The following DDHD1 variants were observed in gnomAD, a reference collection of about 807,000 sequenced individuals.
The protein encoded by DDHD1 is DDHD domain containing 1.
Under a neutral mutation model 96.4 loss-of-function variants are expected in DDHD1, and 49 were observed. The ratio of observed to expected loss-of-function variants is 0.51; its 90% CI spans 0.40 to 0.64. The LOEUF is 0.64. Ranked by LOEUF, DDHD1 falls within the 30% of genes least tolerant of loss-of-function variation. DDHD1 has a pLI of 0.00. For missense variants in DDHD1, 1,106 were observed against 1,161.2 expected, an observed-to-expected ratio of 0.95 and a Z score of 0.69; for synonymous variants, 442 against 446.5, an observed-to-expected ratio of 0.99 and a Z score of 0.13.
chr14:53,087,870 A>AG (rs1566553455), intron 4 of DDHD1, among the ~76,000 whole-genome samples: 1 of 152,250 alleles, frequency 6.6e-6, no homozygotes, highest in African/African-American at 2.4e-5. Flanking sequence ...CAATGAATCC[A>AG]GGAGCTGGTT....
chr14:53,049,063 CTTTGAT>C (rs1208418474), intron 12 of DDHD1: 2 of 152,308 alleles, frequency 1.3e-5, no homozygotes, highest in Non-Finnish European at 2.9e-5. Flanking sequence ...TTTGGCTCCA[CTTTGAT>C]TTTATGTTCC....
chr14:53,118,966 T>C (rs10139446), intron 1 of DDHD1, among the ~76,000 whole-genome samples: 120,648 of 152,124 alleles, frequency 0.79, 48,660 homozygotes, highest in East Asian at 0.98. Context: ...GCGGATCTCT[T>C]GGCAGAAACT....
At chr14:53,051,425 C>A (rs1882554898) in intron 12 of DDHD1, among the ~76,000 whole-genome samples, 1 of 151,766 alleles carries the variant, frequency 6.6e-6, no homozygotes, top group Non-Finnish European at 1.5e-5. Context: ...TACCTACAAC[C>A]CTAAGTGGTA....
intron 4 of DDHD1, among the ~76,000 whole-genome samples, chr14:53,083,942 C>T (rs965414305): frequency 2.0e-5 from 3 of 152,086 alleles, no homozygotes; most frequent in Non-Finnish European, 4.4e-5. Flanking sequence ...TGGATTCATT[C>T]ATCCTGCTTC....
At chr14:53,109,625 C>T (rs1042780523) in intron 1 of DDHD1, among the ~76,000 whole-genome samples, 7 of 152,136 alleles carry the variant, frequency 4.6e-5, no homozygotes, top group African/African-American at 1.4e-4. Flanking sequence ...TTTGTTCTTA[C>T]AGCTTTTGGG....
At chr14:53,095,960 G>T (rs1886850789) in intron 2 of DDHD1, among the ~76,000 whole-genome samples, 1 of 151,948 alleles carries the variant, frequency 6.6e-6, no homozygotes, top group South Asian at 2.1e-4. Context: ...TATACACACT[G>T]TTTACCAATA....
chr14:53,048,725 G>A (rs1170573682), intron 12 of DDHD1: 1 of 152,194 alleles, frequency 6.6e-6, no homozygotes, highest in African/African-American at 2.4e-5. Context: ...TGGTGAGTTA[G>A]TAAATGTCTT....
intron 2 of DDHD1, among the ~76,000 whole-genome samples, chr14:53,100,119 C>G (rs1417123229): frequency 6.6e-6 from 1 of 152,080 alleles, no homozygotes; most frequent in Non-Finnish European, 1.5e-5. Context: ...ACATGGTGTA[C>G]AACTATTTAC....
At chr14:53,090,596 C>A (rs1327163446) in intron 4 of DDHD1, among the ~76,000 whole-genome samples, 1 of 152,042 alleles carries the variant, frequency 6.6e-6, no homozygotes, top group African/African-American at 2.4e-5. Context: ...TCGCTGGAAA[C>A]CATCATTCTC....
chr14:53,073,639 AC>A, intron 5 of DDHD1, 101 bp downstream of exon 5: 1 of 840,328 alleles, frequency 1.2e-6, no homozygotes, highest in Admixed American at 2.6e-5. Flanking sequence ...AATTGAAGAC[AC>A]TACATTCTCA....
At chr14:53,150,227 CCTCT>C (rs1891250675) in intron 1 of DDHD1, 4 of 152,196 alleles carry the variant, frequency 2.6e-5, no homozygotes. Context: ...AATGCCCTTC[CCTCT>C]ATTTCTCTGC....
chr14:53,047,599 T>A (rs184821630), intron 12 of DDHD1, among the ~76,000 whole-genome samples: 267 of 152,212 alleles, frequency 1.8e-3, no homozygotes, highest in African/African-American at 6.2e-3. Context: ...ACATGCAGGG[T>A]GGCTGGGAAA....
chr14:53,104,518 G>A (rs777864163), intron 1 of DDHD1, among the ~76,000 whole-genome samples: 1 of 152,268 alleles, frequency 6.6e-6, no homozygotes, highest in South Asian at 2.1e-4. Flanking sequence ...GTGTGTGGTA[G>A]TAGTGTGTGG....
At chr14:53,147,253 T>C (rs1891060248) in intron 1 of DDHD1, among the ~76,000 whole-genome samples, 1 of 151,976 alleles carries the variant, frequency 6.6e-6, no homozygotes, top group African/African-American at 2.4e-5. Flanking sequence ...CTCAGCAAAA[T>C]ACAAACTATA....
intron 1 of DDHD1, among the ~76,000 whole-genome samples, chr14:53,135,172 A>G (rs1388757519): frequency 6.6e-6 from 1 of 152,200 alleles, no homozygotes; most frequent in Non-Finnish European, 1.5e-5. Context: ...TGTGACCTGC[A>G]GGTATACATC....
At chr14:53,060,146 G>C (rs1214903872) in intron 8 of DDHD1, among the ~76,000 whole-genome samples, 1 of 152,096 alleles carries the variant, frequency 6.6e-6, no homozygotes, top group East Asian at 1.9e-4. Flanking sequence ...CACATTTCAA[G>C]AAGAGGTAAT....
chr14:53,112,891 T>C (rs1186752521), intron 1 of DDHD1, among the ~76,000 whole-genome samples: 5 of 152,150 alleles, frequency 3.3e-5, no homozygotes, highest in Non-Finnish European at 7.4e-5. Context: ...GAAGAGTGCC[T>C]GAATATAAAA....
At chr14:53,057,830 C>A (rs1322606128) in intron 9 of DDHD1, among the ~76,000 whole-genome samples, 1 of 152,196 alleles carries the variant, frequency 6.6e-6, no homozygotes, top group African/African-American at 2.4e-5. Context: ...AATTCGATGG[C>A]ACCTTGTAAG....
chr14:53,049,707 C>G (rs988738437), intron 12 of DDHD1, among the ~76,000 whole-genome samples: 18 of 147,422 alleles, frequency 1.2e-4, no homozygotes, highest in African/African-American at 4.0e-4. Context: ...TTCTTTTTCT[C>G]TCTGGAATGC....
Sources: gnomAD v4.1 joint callset for allele counts (sites outside exome capture counted in the v4.1 genomes callset) on GRCh38, gnomAD v4.1.1 for gene constraint, MANE v1.5 for transcripts, NCBI Gene and HGNC (gene_info 2026-07-23, HGNC 2026-07-21) for gene names.